LIPG: variants seen among roughly 807,000 people sequenced by gnomAD.
LIPG encodes the protein endothelial lipase.
Under a neutral mutation model 51.8 loss-of-function variants are expected in LIPG, and 34 were observed. The ratio of observed to expected loss-of-function variants is 0.66; its 90% CI spans 0.50 to 0.87. LIPG has a LOEUF of 0.87. Ranked by LOEUF, LIPG falls within the 40% of genes least tolerant of loss-of-function variation. The pLI is 0.00. For synonymous variants in LIPG, 246 were observed against 246.1 expected (o/e 1.00, Z 0.00); for missense variants, 580 against 652.7 (o/e 0.89, Z 1.21).
intron 8 of LIPG, among the ~76,000 whole-genome samples, chr18:49,584,639 C>T (rs1391342274): frequency 2.0e-5 from 3 of 152,156 alleles, no homozygotes; most frequent in Non-Finnish European, 4.4e-5. Flanking sequence ...TCATCTATGA[C>T]ACAGCTTGGC....
At chr18:49,574,104 T>G (rs1463128234) in intron 4 of LIPG, among the ~76,000 whole-genome samples, 1 of 152,190 alleles carries the variant, frequency 6.6e-6, no homozygotes, top group Non-Finnish European at 1.5e-5. Context: ...GGCCCTTCCT[T>G]CCTGGCACAT....
At chr18:49,576,690 CA>C (rs1421930608) in intron 5 of LIPG, among the ~76,000 whole-genome samples, 1 of 151,738 alleles carries the variant, frequency 6.6e-6, no homozygotes, top group African/African-American at 2.4e-5. Context: ...AGGCTGGTCT[CA>C]AACTCCTGAC....
chr18:49,577,785 A>T (rs868285335), intron 5 of LIPG, among the ~76,000 whole-genome samples: 1 of 83,566 alleles, frequency 1.2e-5, no homozygotes, highest in Non-Finnish European at 2.4e-5. Flanking sequence ...GCGGCTGGCC[A>T]GGCGGGGGGC....
rs770143868 is a variant in LIPG, at chr18:49,562,379, C to A, written c.71C>A (p.Pro24His). Residue 24 changes from proline (P) to histidine (H), a missense_variant, in exon 1 of 10, where the codon CCT (proline) becomes CAT (histidine). By Grantham distance (77) the Pro-to-His change is moderately conservative. Transcript: ENST00000261292. ...TGCTTTGCTGCGGGGAGCCCCGTACCTTTTGGTCCAGAGGGACGGCTGGAA... is the reference window on the plus strand; with the variant it reads ...TGCTTTGCTGCGGGGAGCCCCGTACATTTTGGTCCAGAGGGACGGCTGGAA... ...CYCFAAGSPV[P>H]FGPEGRLEDK... The A allele has an allele frequency of 1.2e-6, 2 of 1,614,038 alleles. No homozygotes were observed. Among genetic ancestry groups the A allele is most frequent in the Non-Finnish European group, 1.7e-6 (2 of 1,180,036 alleles).
chr18:49,579,012 G>C (rs1193899640), intron 5 of LIPG, among the ~76,000 whole-genome samples: 11 of 34 alleles, frequency 0.32, no homozygotes, highest in East Asian at 0.5. Flanking sequence ...GGGAGAGGGA[G>C]AGGGAGAGGG....
chr18:49,561,954 A>AC, upstream of LIPG: 2 of 1,370,464 alleles, frequency 1.5e-6, no homozygotes, highest in Non-Finnish European at 1.9e-6. Context: ...GCAAGGTGTG[A>AC]CCAATCAGAG....
At chr18:49,584,373 G>A (rs1363277125) in intron 8 of LIPG, among the ~76,000 whole-genome samples, 3 of 152,270 alleles carry the variant, frequency 2.0e-5, no homozygotes, top group South Asian at 4.1e-4. Flanking sequence ...CCCAAGCCTA[G>A]CATAAAAGAT....
rs1368435022 is a variant in LIPG, at chr18:49,581,359, TG to T, written c.794-55del. 8 of 1,606,156 alleles carry T rather than the reference TG, an allele frequency of 5.0e-6. No homozygotes were observed. In the African/African-American group the frequency reaches 1.1e-4, roughly 22 times the overall value. On this transcript the variant is annotated intron_variant, in intron 5 of 9. Coordinates refer to ENST00000261292, the MANE Select transcript of LIPG (RefSeq NM_006033.4). ...AGGAGTACAGTATTTATTATTTGAG[TG>T]TCTAATCATCAAGAAGGGCTCATCC... is the stretch of plus-strand genomic sequence containing the variant.
At chr18:49,590,058 G>C in intron 9 of LIPG, 2 of 302,844 alleles carry the variant, frequency 6.6e-6, no homozygotes, top group South Asian at 3.3e-5. Flanking sequence ...CTAGAATCCA[G>C]GTCTCCTAAC....
At chr18:49,580,705 C>G (rs900044546) in intron 5 of LIPG, among the ~76,000 whole-genome samples, 12 of 152,228 alleles carry the variant, frequency 7.9e-5, no homozygotes, top group Middle Eastern at 3.4e-3. Flanking sequence ...TTGCTGAGCC[C>G]TGCGTGAGAT....
In LIPG at chr18:49,591,602, C is replaced by T. The variant is rs775327607; in HGVS notation, c.*1080C>T. ...ACAGAGCTGGTTCTAAGATTTAATA[C>T]AGTGCTTTTTTTCCTCTTTGAAATA... is the stretch of plus-strand genomic sequence containing the variant. On this transcript the variant is annotated 3_prime_UTR_variant, in exon 10 of 10. Transcript: ENST00000261292. The T allele has an allele frequency of 1.3e-5, 2 of 152,212 alleles. No homozygotes were observed. The highest frequency in any genetic ancestry group is 2.9e-5 in the Non-Finnish European group (2 of 68,052). The allele number at this position is 152,212 out of a possible 1,614,324, so 9.4% of individuals were successfully genotyped here.
rs765513414 is a variant in LIPG at position 49,581,477 on chromosome 18, G to A, written c.856G>A (p.Val286Met). The A allele has an allele frequency of 1.2e-6, 2 of 1,614,188 alleles. No individual in the cohort carries two copies. The highest frequency in any genetic ancestry group is 1.7e-6 in the Non-Finnish European group (2 of 1,180,040). The change falls in exon 6 of 10, where the codon GTG becomes ATG. Residue 286 changes from valine (V) to methionine (M), a missense_variant. Transcript: ENST00000261292. The part of the protein sequence containing the change: ...RAVHLFVDSL[V>M]NQDKPSFAFQ... Reference sequence around the variant, plus strand: ...CGTCCACCTCTTTGTTGACTCTCTGGTGAATCAGGACAAGCCGAGTTTTGC... The same window carrying A: ...CGTCCACCTCTTTGTTGACTCTCTGATGAATCAGGACAAGCCGAGTTTTGC...
intron 4 of LIPG, among the ~76,000 whole-genome samples, chr18:49,570,508 A>G (rs981413041): frequency 6.6e-6 from 1 of 152,118 alleles, no homozygotes; most frequent in African/African-American, 2.4e-5. Context: ...GATCTGAACA[A>G]TTCCTTTCCC....
intron 4 of LIPG, among the ~76,000 whole-genome samples, chr18:49,573,498 T>G (rs889674822): frequency 2.0e-5 from 3 of 151,634 alleles, no homozygotes; most frequent in Non-Finnish European, 4.4e-5. Context: ...GAGAATCGCT[T>G]GAACCCAGGA....
In LIPG at chr18:49,594,650, A is replaced by G. The variant is rs2084972128; in HGVS notation, c.*4128A>G. 1 of 152,214 alleles carries G rather than the reference A, an allele frequency of 6.6e-6. No individual in the cohort carries two copies. The highest frequency in any genetic ancestry group is 1.5e-5 in the Non-Finnish European group (1 of 68,044). 9.4% of individuals were successfully genotyped at this position (152,214 alleles called of 1,614,324 possible). ...AATCTTAAATTGATCTATGACTATG[A>G]AGTATAATGCATTACATCAGTTTGA... On this transcript the variant is annotated 3_prime_UTR_variant, in exon 10 of 10. Transcript: ENST00000261292.
At chr18:49,571,736 G>A (rs570311284) in intron 4 of LIPG, among the ~76,000 whole-genome samples, 3 of 152,268 alleles carry the variant, frequency 2.0e-5, no homozygotes, top group East Asian at 3.9e-4. Flanking sequence ...GGGGTCCTGC[G>A]TCCAGTGATG....
rs772286916 is a variant in LIPG, at chr18:49,569,528, G to T, written c.551G>T (p.Gly184Val). 1.9e-6 allele frequency: 3 copies of T among 1,614,062 alleles called. No individual in the cohort carries two copies. Among genetic ancestry groups the T allele is most frequent in the South Asian group, 2.2e-5 (2 of 91,070 alleles). ...VAGYAGNFVK[G>V]TVGRITGLDP... is the part of the protein sequence containing the mutation. ...GGGTATGCAGGCAACTTCGTGAAAG[G>T]AACGGTGGGCCGAATCACAGGTGAG... Residue 184 changes from glycine to valine, a missense_variant, in exon 4 of 10, where the codon GGA becomes GTA. Transcript: ENST00000261292.
intron 9 of LIPG, chr18:49,590,122 C>G (rs1407367910): frequency 2.8e-6 from 1 of 361,832 alleles, no homozygotes; most frequent in Non-Finnish European, 5.3e-6. Context: ...ATTTCTAGAT[C>G]AAGGCAAAGA....
At chr18:49,588,322 G>T (rs185012714) in intron 9 of LIPG, among the ~76,000 whole-genome samples, 2 of 140,228 alleles carry the variant, frequency 1.4e-5, no homozygotes, top group East Asian at 4.2e-4. Flanking sequence ...TCACTCTATC[G>T]CTCAGGCTGG....
Sources: allele counts gnomAD v4.1 joint callset (sites outside exome capture counted in the v4.1 genomes callset), GRCh38; gene constraint gnomAD v4.1.1; transcripts MANE v1.5; gene names NCBI Gene and HGNC (gene_info 2026-07-23, HGNC 2026-07-21).